Variants in SLC1A2 observed in about 807,000 individuals in gnomAD.
The protein encoded by SLC1A2 is excitatory amino acid transporter 2.
Under a neutral mutation model 48.8 loss-of-function variants are expected in SLC1A2, and 15 were observed. That is an observed-to-expected ratio of 0.31 (90% CI 0.21 to 0.47). SLC1A2 has a LOEUF of 0.47. Among genes scored for constraint, SLC1A2 ranks in the 20% least tolerant of loss-of-function variants. The probability of loss-of-function intolerance (pLI) is 0.99; values close to 1 mark genes in which losing one functional copy is unlikely to be tolerated. For missense variants in SLC1A2, 502 were observed against 730.5 expected, an observed-to-expected ratio of 0.69 and a Z score of 3.61; for synonymous variants, 279 against 272.6, an observed-to-expected ratio of 1.02 and a Z score of -0.23.
chr11:35,264,750 T>A (rs983980108), intron 10 of SLC1A2: 10 of 152,142 alleles, frequency 6.6e-5, no homozygotes, highest in South Asian at 2.1e-4. Flanking sequence ...TGGAGCAAGG[T>A]ACTCTCAGGT....
At position 35,253,365 on chromosome 11, in the gene SLC1A2, A is replaced by G. The variant is rs1411166782; in HGVS notation, c.*7529T>C. The G allele has an allele frequency of 6.6e-6, 1 of 152,636 alleles. No homozygotes were observed. Among genetic ancestry groups the G allele is most frequent in the South Asian group, 2.1e-4 (1 of 4,834 alleles). The allele number at this position is 152,636 out of a possible 1,614,324, so 9.5% of individuals were successfully genotyped here. ...ACTGCAACAAATCTGTCCTGATTTC[A>G]TCTCTAGCACTCATCCTCAGTCTCT... On this transcript the variant is annotated 3_prime_UTR_variant, in exon 11 of 11. Coordinates refer to ENST00000278379, the MANE Select transcript of SLC1A2 (RefSeq NM_004171.4).
intron 6 of SLC1A2, among the ~76,000 whole-genome samples, chr11:35,300,670 T>C (rs1286914985): frequency 6.6e-6 from 1 of 152,182 alleles, no homozygotes; most frequent in African/African-American, 2.4e-5. Context: ...TATTTTGTTA[T>C]AATAGATGGA....
chr11:35,284,051 T>C (rs1850726528), intron 8 of SLC1A2, among the ~76,000 whole-genome samples: 1 of 141,464 alleles, frequency 7.1e-6, no homozygotes, highest in South Asian at 2.2e-4. Flanking sequence ...GGCTCCCTTA[T>C]AGTATATAAT....
At chr11:35,276,625 T>A (rs1358970203) in intron 9 of SLC1A2, among the ~76,000 whole-genome samples, 1 of 152,022 alleles carries the variant, frequency 6.6e-6, no homozygotes, top group Non-Finnish European at 1.5e-5. Context: ...GTAGGCAGGG[T>A]TTTGAATGTT....
intron 1 of SLC1A2, among the ~76,000 whole-genome samples, chr11:35,363,776 A>T (rs1416866398): frequency 6.6e-6 from 1 of 152,166 alleles, no homozygotes; most frequent in Non-Finnish European, 1.5e-5. Flanking sequence ...AAGGAAGAAA[A>T]TGATATCTGG....
At chr11:35,399,202 C>G (rs574488367) in intron 1 of SLC1A2, among the ~76,000 whole-genome samples, 1 of 152,256 alleles carries the variant, frequency 6.6e-6, no homozygotes, top group Admixed American at 6.5e-5. Flanking sequence ...TTCCTCTTGC[C>G]CCTACCCTGC....
chr11:35,282,115 C>T (rs1042067758), intron 8 of SLC1A2, among the ~76,000 whole-genome samples: 1 of 151,976 alleles, frequency 6.6e-6, no homozygotes, highest in Non-Finnish European at 1.5e-5. Flanking sequence ...GCTGTTTTTT[C>T]CCCTATTGCC....
At chr11:35,274,116 G>A (rs550327326) in intron 9 of SLC1A2, among the ~76,000 whole-genome samples, 60 of 152,192 alleles carry the variant, frequency 3.9e-4, no homozygotes, top group Non-Finnish European at 7.5e-4. Context: ...TTATGTCTGT[G>A]CTACCTGAAA....
intron 1 of SLC1A2, among the ~76,000 whole-genome samples, chr11:35,321,648 C>A (rs950951833): frequency 3.9e-5 from 6 of 151,972 alleles, no homozygotes; most frequent in African/African-American, 1.5e-4. Context: ...ATTTCAGCGC[C>A]CCCTAAGAGA....
At position 35,302,353 on chromosome 11, in the gene SLC1A2, A is replaced by AT. The variant is rs552488546; in HGVS notation, c.731-709dup. Among the ~76,000 whole-genome samples the AT allele has an allele frequency of 7.2e-5, 11 of 152,066 alleles. No homozygotes were observed. The South Asian group carries it at 8.3e-4, about 12-fold the overall frequency. ...TTAGAATGCTTTTTTAATTTTATTT[A>AT]TTTTTTCAGGATCATAAAGACAGAA... On this transcript the variant is annotated intron_variant, in intron 5 of 10. Coordinates refer to ENST00000278379, the MANE Select transcript of SLC1A2 (RefSeq NM_004171.4).
intron 1 of SLC1A2, among the ~76,000 whole-genome samples, chr11:35,388,998 A>G (rs536535876): frequency 6.6e-6 from 1 of 152,310 alleles, no homozygotes; most frequent in African/African-American, 2.4e-5. Context: ...GATGTTCACT[A>G]TTTGGGTAAC....
At chr11:35,384,100 C>A (rs181048088) in intron 1 of SLC1A2, among the ~76,000 whole-genome samples, 1 of 152,150 alleles carries the variant, frequency 6.6e-6, no homozygotes, top group Non-Finnish European at 1.5e-5. Context: ...AAGAGAAATA[C>A]GTTCACCCTA....
chr11:35,348,008 C>T (rs1244627494), intron 1 of SLC1A2, among the ~76,000 whole-genome samples: 3 of 152,232 alleles, frequency 2.0e-5, no homozygotes, highest in East Asian at 1.9e-4. Flanking sequence ...TTTGGCCTTG[C>T]CTGAGGCCAA....
At chr11:35,286,994 T>G in intron 7 of SLC1A2, 43 bp from the exon 8 acceptor site, 2 of 1,515,812 alleles carry the variant, frequency 1.3e-6, no homozygotes, top group African/African-American at 1.4e-5. Context: ...ATGTCCACTT[T>G]AGAGAAGCAG....
At position 35,253,648 on chromosome 11, in the gene SLC1A2, A is replaced by C. The variant is rs1369243150; in HGVS notation, c.*7246T>G. 1 of 152,632 alleles carries C rather than the reference A, an allele frequency of 6.6e-6. No homozygotes were observed. The highest frequency in any genetic ancestry group is 6.6e-5 in the Admixed American group (1 of 15,266). The allele number at this position is 152,632 out of a possible 1,614,324, so 9.5% of individuals were successfully genotyped here. The stretch of plus-strand genomic sequence containing the variant: ...GGGATTTAAGCAATTCCTTGTTCTT[A>C]ATGGTTCATTTTGTTTATTGCATCA... On this transcript the variant is annotated 3_prime_UTR_variant, in exon 11 of 11. Transcript: ENST00000278379.
chr11:35,416,657 T>C (rs1236030639), intron 1 of SLC1A2, among the ~76,000 whole-genome samples: 1 of 152,238 alleles, frequency 6.6e-6, no homozygotes, highest in African/African-American at 2.4e-5. Context: ...ACTGAAAATA[T>C]ATAAATTGAA....
intron 1 of SLC1A2, among the ~76,000 whole-genome samples, chr11:35,336,746 ATAC>A (rs1050539242): frequency 3.3e-5 from 5 of 152,214 alleles, no homozygotes; most frequent in Non-Finnish European, 1.5e-5. Context: ...GCCAATTCAA[ATAC>A]TCCATCCTCC....
chr11:35,373,022 T>A (rs1322556451), intron 1 of SLC1A2, among the ~76,000 whole-genome samples: 1 of 152,226 alleles, frequency 6.6e-6, no homozygotes, highest in Non-Finnish European at 1.5e-5. Flanking sequence ...GCATCTGGCT[T>A]CTGCCCACTG....
At chr11:35,364,623 T>C (rs986785201) in intron 1 of SLC1A2, among the ~76,000 whole-genome samples, 8 of 152,220 alleles carry the variant, frequency 5.3e-5, no homozygotes, top group African/African-American at 1.9e-4. Context: ...CTACACACAT[T>C]AGGTAAGTGA....
Sources: gnomAD v4.1 joint callset for allele counts (sites outside exome capture counted in the v4.1 genomes callset) on GRCh38, gnomAD v4.1.1 for gene constraint, MANE v1.5 for transcripts, NCBI Gene and HGNC (gene_info 2026-07-23, HGNC 2026-07-21) for gene names.